The following RRP9 variants were observed in gnomAD, a reference collection of about 807,000 sequenced individuals.
RRP9 encodes the protein ribosomal RNA processing 9, U3 small nucleolar RNA binding protein, also known as U3 small nucleolar RNA-interacting protein 2.
In RRP9, 35 loss-of-function variants were observed where a neutral mutation model predicts 65.5. The observed-to-expected ratio is 0.53, with a 90% confidence interval of 0.41 to 0.71. The LOEUF is 0.71. Among genes scored for constraint, RRP9 ranks in the 30% least tolerant of loss-of-function variants. The pLI is 0.00. For missense variants in RRP9, 533 were observed against 633.6 expected (o/e 0.84, Z 1.70); for synonymous variants, 254 against 245.0 (o/e 1.04, Z -0.34).
intron 9 of RRP9, 21 bp downstream of exon 9, chr3:51,935,571 C>T (rs1380903753): frequency 3.1e-6 from 5 of 1,613,880 alleles, no homozygotes; most frequent in Middle Eastern, 3.3e-4. Flanking sequence ...CATCCACACA[C>T]CCTCTCCCAT....
chr3:51,938,173 C>T lies in RRP9; in HGVS notation c.202G>A (p.Glu68Lys). The change falls in exon 3 of 15, where the codon GAG becomes AAG. Residue 68 changes from glutamate to lysine, a missense_variant. Glu to Lys is a moderately conservative substitution (Grantham distance 56). Transcript: ENST00000232888. ...LAPRKPEEEEEEELEETAQEK... is the reference protein window; with the variant it reads ...LAPRKPEEEEKEELEETAQEK... ...TGTGCAGTTTCCTCCAGCTCCTCCT[C>T]CTCCTCCTCCTCAGGCTTCCTTGGA... 1 of 1,583,820 alleles carries T rather than the reference C, an allele frequency of 6.3e-7. No homozygotes were observed. The highest frequency in any genetic ancestry group is 8.6e-7 in the Non-Finnish European group (1 of 1,167,270).
intron 8 of RRP9, 64 bp downstream of exon 8, chr3:51,936,193 C>T: frequency 6.8e-7 from 1 of 1,472,844 alleles, no homozygotes; most frequent in South Asian, 1.1e-5. Context: ...CAGAGGCCAG[C>T]ACTGAGCCTA....
At chr3:51,933,818 C>A (rs751971091) in intron 13 of RRP9, 37 bp from the exon 14 acceptor site, 1 of 1,581,968 alleles carries the variant, frequency 6.3e-7, no homozygotes, top group South Asian at 1.1e-5. Context: ...CATTAGAACG[C>A]CCCCCGCCAC....
In RRP9 at chr3:51,935,185, A is replaced by G; in HGVS notation, c.1034+12T>C. ...AGAAGCCGTGGCCAGAGACATCCAA[A>G]GGACCTCTTACCCATCGTCCGCGCC... On this transcript the variant is annotated intron_variant, in intron 11 of 14. Coordinates refer to ENST00000232888, the MANE Select transcript of RRP9 (RefSeq NM_004704.5). The G allele has an allele frequency of 6.2e-7, 1 of 1,614,076 alleles. No homozygotes were observed. Among genetic ancestry groups the G allele is most frequent in the South Asian group, 1.1e-5 (1 of 91,042 alleles).
At position 51,936,140 on chromosome 3, in the gene RRP9, C is replaced by T. The variant is rs1288739725; in HGVS notation, c.735+117G>A. The stretch of plus-strand genomic sequence containing the variant: ...GTATTTTACAGCACCACTCGCTACC[C>T]ACTCGCTACCCCAGGATGCAGGTTC... On this transcript the variant is annotated intron_variant, in intron 8 of 14. Transcript: ENST00000232888. 4.3e-6 allele frequency: 4 copies of T among 929,222 alleles called. No homozygotes were observed. The African/African-American group carries it at 4.9e-5, about 11-fold the overall frequency. 57.6% of individuals were successfully genotyped at this position (929,222 alleles called of 1,614,324 possible).
rs1699474601 is a variant in RRP9 at position 51,937,642 on chromosome 3, C to G, written c.348+27G>C. 6 of 1,614,106 alleles carry G rather than the reference C, an allele frequency of 3.7e-6. No individual in the cohort carries two copies. The highest frequency in any genetic ancestry group is 5.1e-6 in the Non-Finnish European group (6 of 1,180,038). On this transcript the variant is annotated intron_variant, in intron 4 of 14. Transcript: ENST00000232888. The surrounding 1 kb of genome is among the most constrained non-coding windows in gnomAD (Gnocchi z 5.0). Reference sequence around the variant, plus strand: ...GGAGCAGATCAGCTCCACCCCCGTCCTCCCCCAACTCTCCCTCCACACTTA... The same window carrying G: ...GGAGCAGATCAGCTCCACCCCCGTCGTCCCCCAACTCTCCCTCCACACTTA...
At chr3:51,936,624 G>A in intron 6 of RRP9, 69 bp from the exon 7 acceptor site, 1 of 1,515,960 alleles carries the variant, frequency 6.6e-7, no homozygotes, top group Non-Finnish European at 9.0e-7. Context: ...CCCCCTCAAG[G>A]GGCAGCATGG....
At position 51,937,459 on chromosome 3, in the gene RRP9, G is replaced by T; in HGVS notation, c.390+86C>A. On this transcript the variant is annotated intron_variant, in intron 5 of 14. Transcript: ENST00000232888. This position sits in a 1 kb window ranked among gnomAD's most constrained non-coding sequence, Gnocchi z 5.0. The stretch of plus-strand genomic sequence containing the variant: ...GGCTACAACAACCAGATCCTTACCT[G>T]ACCAGATAGGCCCAAGTGTCCACCA... The T allele has an allele frequency of 6.2e-7, 1 of 1,605,960 alleles. No individual in the cohort carries two copies. The highest frequency in any genetic ancestry group is 1.3e-5 in the African/African-American group (1 of 74,868).
rs756023802 is a variant in RRP9 at position 51,936,328 on chromosome 3, G to A, written c.664C>T (p.Leu222Phe). ...CTCTGGGCCTCCCAAATGAGAATGA[G>A]CTTGCTGCGGTCACCAGAGGCCTGC... The part of the protein sequence containing the change: ...KYLASGDRSK[L>F]ILIWEAQSCQ... Residue 222 changes from leucine to phenylalanine, a missense_variant, in exon 8 of 15, where the codon CTC becomes TTC. This residue lies in a region of RRP9 where 449 missense variants were observed against 550.6 expected (regional missense o/e 0.82). Transcript: ENST00000232888. 2 of 1,614,216 alleles carry A rather than the reference G, an allele frequency of 1.2e-6. No individual in the cohort carries two copies. The highest frequency in any genetic ancestry group is 2.2e-5 in the South Asian group (2 of 91,088).
At chr3:51,938,850 A>G (rs1051576763) in intron 2 of RRP9, among the ~76,000 whole-genome samples, 7 of 152,154 alleles carry the variant, frequency 4.6e-5, no homozygotes, top group African/African-American at 1.7e-4. Flanking sequence ...CCAAGGACCC[A>G]CCAGGCAGAC....
rs1699524561 is a variant in RRP9 at position 51,941,258 on chromosome 3, G to T, written c.170+151C>A. ...AGAGACCTCGCAGAAACAAGACTTT[G>T]CAGGACCAGAAACTAAAGGAAACAG... On this transcript the variant is annotated intron_variant, in intron 2 of 14. Transcript: ENST00000232888. 3 of 720,844 alleles carry T rather than the reference G, an allele frequency of 4.2e-6. No individual in the cohort carries two copies. The South Asian group carries it at 5.0e-5, about 12-fold the overall frequency. 44.7% of individuals were successfully genotyped at this position (720,844 alleles called of 1,614,324 possible).
At position 51,937,143 on chromosome 3, in the gene RRP9, C is replaced by T; in HGVS notation, c.517+49G>A. The T allele has an allele frequency of 6.2e-7, 1 of 1,605,852 alleles. No individual in the cohort carries two copies. The highest frequency in any genetic ancestry group is 8.5e-7 in the Non-Finnish European group (1 of 1,175,896). The stretch of plus-strand genomic sequence containing the variant: ...ACCACTCCCACTCCCCTGACCAGCC[C>T]TCCCGGATCCGCCATGGGGGCTCCA... On this transcript the variant is annotated intron_variant, in intron 6 of 14. Transcript: ENST00000232888. This position sits in a 1 kb window ranked among gnomAD's most constrained non-coding sequence, Gnocchi z 5.0.
Position 51,941,845 on chromosome 3 carries a change from C to A in RRP9, c.23G>T (p.Arg8Leu), listed in dbSNP as rs373215221. The A allele has an allele frequency of 4.4e-6, 7 of 1,582,764 alleles. No individual in the cohort carries two copies. In the African/African-American group the frequency reaches 5.4e-5, roughly 12 times the overall value. MSATAAA[R>L]KRGKPASGAG... is the part of the protein sequence containing the mutation. Reference sequence around the variant, plus strand: ...CCCAGAGGCCGGCTTTCCCCGCTTACGAGCAGCCGCTGTTGCCGACATGCT... The same window carrying A: ...CCCAGAGGCCGGCTTTCCCCGCTTAAGAGCAGCCGCTGTTGCCGACATGCT... Residue 8 changes from arginine (R) to leucine (L), a missense_variant, in exon 1 of 15, where the codon CGT (arginine) becomes CTT (leucine). Physicochemically the swap from Arg to Leu is moderately radical, Grantham distance 102. Coordinates refer to ENST00000232888, the MANE Select transcript of RRP9 (RefSeq NM_004704.5).
Position 51,935,279 on chromosome 3 carries a change from G to C in RRP9, c.972-20C>G, listed in dbSNP as rs1457617761. On this transcript the variant is annotated intron_variant, in intron 10 of 14. Coordinates refer to ENST00000232888, the MANE Select transcript of RRP9 (RefSeq NM_004704.5). ...GAGCCCCTGGAGAAAGGGGCTGTGAGGAGCGTGGCCCAAGCCCACCCCCAG... is the reference window on the plus strand; with the variant it reads ...GAGCCCCTGGAGAAAGGGGCTGTGACGAGCGTGGCCCAAGCCCACCCCCAG... 2 of 1,614,190 alleles carry C rather than the reference G, an allele frequency of 1.2e-6. No individual in the cohort carries two copies. The highest frequency in any genetic ancestry group is 1.3e-5 in the African/African-American group (1 of 75,058).
rs1184422247 is a variant in RRP9, at chr3:51,941,494, G to C, written c.88-3C>G. 1 of 1,613,724 alleles carries C rather than the reference G, an allele frequency of 6.2e-7. No homozygotes were observed. Among genetic ancestry groups the C allele is most frequent in the Non-Finnish European group, 8.5e-7 (1 of 1,179,906 alleles). On this transcript the variant is annotated splice_polypyrimidine_tract_variant and splice_region_variant and intron_variant, in intron 1 of 14. Coordinates refer to ENST00000232888, the MANE Select transcript of RRP9 (RefSeq NM_004704.5). Reference sequence around the variant, plus strand: ...CCCCTGTCCCCCGCAGAGTCGGCCTGGGAATTATACGGTCTTTTCTTTGGT... The same window carrying C: ...CCCCTGTCCCCCGCAGAGTCGGCCTCGGAATTATACGGTCTTTTCTTTGGT...
In RRP9 at chr3:51,933,476, G is replaced by A. The variant is rs1430246424; in HGVS notation, c.*30C>T. 3 of 1,576,356 alleles carry A rather than the reference G, an allele frequency of 1.9e-6. No individual in the cohort carries two copies. Among genetic ancestry groups the A allele is most frequent in the Admixed American group, 1.7e-5 (1 of 59,616 alleles). On this transcript the variant is annotated 3_prime_UTR_variant, in exon 15 of 15. Coordinates refer to ENST00000232888, the MANE Select transcript of RRP9 (RefSeq NM_004704.5). ...TACAAAGAGGGTGGGGCATAGCCTGGGAAGGACTTAAATAAGGAGGATAAG... is the reference window on the plus strand; with the variant it reads ...TACAAAGAGGGTGGGGCATAGCCTGAGAAGGACTTAAATAAGGAGGATAAG...
intron 11 of RRP9, 68 bp downstream of exon 11, chr3:51,935,129 A>C: frequency 6.5e-7 from 1 of 1,532,640 alleles, no homozygotes; most frequent in South Asian, 1.1e-5. Context: ...AGGCAAGCTC[A>C]GGGCCCCGTG....
At chr3:51,939,339 G>A (rs1342153407) in intron 2 of RRP9, among the ~76,000 whole-genome samples, 3 of 152,158 alleles carry the variant, frequency 2.0e-5, no homozygotes, top group Non-Finnish European at 4.4e-5. Context: ...TGTTAACTTC[G>A]GACTTCTACT....
rs1421964190 is a variant in RRP9 at position 51,936,306 on chromosome 3, T to C, written c.686A>G (p.Gln229Arg). Residue 229 changes from glutamine (Q) to arginine (R), a missense_variant, in exon 8 of 15, where the codon CAG becomes CGG. Around this residue, in one of 3 missense-constraint regions of RRP9, gnomAD observed 449 missense variants for 550.6 expected, o/e 0.82. Transcript: ENST00000232888. ...GAAGGTGTACAAGTGCTGGCAGCTC[T>C]GGGCCTCCCAAATGAGAATGAGCTT... The part of the protein sequence containing the change: ...RSKLILIWEA[Q>R]SCQHLYTFTG... 19 of 1,614,078 alleles carry C rather than the reference T, an allele frequency of 1.2e-5. No homozygotes were observed. Among genetic ancestry groups the C allele is most frequent in the Non-Finnish European group, 1.6e-5 (19 of 1,180,048 alleles).
Sources: allele counts gnomAD v4.1 joint callset (sites outside exome capture counted in the v4.1 genomes callset), GRCh38; gene constraint gnomAD v4.1.1; regional missense constraint gnomAD v4.1.1; non-coding constraint Gnocchi (gnomAD v3.1); transcripts MANE v1.5; gene names NCBI Gene and HGNC (gene_info 2026-07-23, HGNC 2026-07-21).